Variants in ZBBX observed in about 807,000 individuals in gnomAD.
ZBBX encodes zinc finger B-box domain containing.
Under a neutral mutation model 108.5 loss-of-function variants are expected in ZBBX, and 101 were observed. The observed-to-expected ratio is 0.93, with a 90% confidence interval of 0.79 to 1.10. ZBBX has a LOEUF of 1.10. Ranked by LOEUF, ZBBX falls within the 50% of genes least tolerant of loss-of-function variation. The pLI is 0.00. For synonymous variants in ZBBX, 356 were observed against 323.4 expected (o/e 1.10, Z -1.08); for missense variants, 1,009 against 941.4 (o/e 1.07, Z -0.94).
chr3:167,217,295 C>T, the ZBBX span, among the ~76,000 whole-genome samples: 7 of 151,938 alleles, frequency 4.6e-5, no homozygotes, highest in Non-Finnish European at 8.8e-5. Context: ...CCATTAAAAA[C>T]TGGGTAAAGA....
chr3:167,336,219 A>G (rs1289637383), intron 9 of ZBBX, among the ~76,000 whole-genome samples: 1 of 152,118 alleles, frequency 6.6e-6, no homozygotes, highest in Non-Finnish European at 1.5e-5. Flanking sequence ...TAATTGTTAT[A>G]ACATTTTTAG....
intron 20 of ZBBX, among the ~76,000 whole-genome samples, chr3:167,247,237 C>T (rs895853519): frequency 2.0e-5 from 3 of 152,210 alleles, no homozygotes; most frequent in Non-Finnish European, 4.4e-5. Context: ...AGTGGTTGGA[C>T]GGCAAGAGGA....
chr3:167,277,002 T>A (rs1464578007), intron 20 of ZBBX, among the ~76,000 whole-genome samples: 1 of 152,086 alleles, frequency 6.6e-6, no homozygotes, highest in Non-Finnish European at 1.5e-5. Context: ...CTAAGCTTCA[T>A]AAGTGAAGGA....
the ZBBX span, among the ~76,000 whole-genome samples, chr3:167,178,679 C>T: frequency 2.6e-5 from 4 of 152,256 alleles, no homozygotes; most frequent in Middle Eastern, 3.4e-3. Context: ...ATAACCTCTA[C>T]CCCAAGTTAT....
intron 20 of ZBBX, among the ~76,000 whole-genome samples, chr3:167,265,006 G>C (rs1396907373): frequency 6.6e-6 from 1 of 152,246 alleles, no homozygotes; most frequent in Admixed American, 6.5e-5. Flanking sequence ...GCCAAGTCTA[G>C]AAATACTGTT....
In ZBBX at chr3:167,288,878, T is replaced by C. The variant is rs1237275857; in HGVS notation, c.1985A>G (p.Gln662Arg). 6 of 1,532,254 alleles carry C rather than the reference T, an allele frequency of 3.9e-6. No homozygotes were observed. Among genetic ancestry groups the C allele is most frequent in the Admixed American group, 2.0e-5 (1 of 50,356 alleles). The allele number at this position is 1,532,254 out of a possible 1,614,324, so 94.9% of individuals were successfully genotyped here. Residue 662 changes from glutamine to arginine, a missense_variant, in exon 19 of 22, where the codon CAG (glutamine) becomes CGG (arginine). Gln to Arg is a conservative substitution (Grantham distance 43). Coordinates refer to ENST00000675490, the MANE Select transcript of ZBBX (RefSeq NM_001199201.2). ...GAQSPSSSRK[Q>R]QKMGQKSQRP... ...TGAGTCAATGTTACCCATCTTTTGC[T>C]GTTTTCTACTTGATGATGGACTCTG...
At chr3:167,205,414 G>A in the ZBBX span, among the ~76,000 whole-genome samples, 25 of 152,278 alleles carry the variant, frequency 1.6e-4, no homozygotes, top group African/African-American at 6.0e-4. Flanking sequence ...AAGAGCTTTA[G>A]TCTTCCATTA....
chr3:167,305,951 C>T lies in ZBBX; in HGVS notation c.1418-1G>A, dbSNP rs757862877. 33 of 1,504,842 alleles carry T rather than the reference C, an allele frequency of 2.2e-5. No homozygotes were observed. In the Admixed American group the frequency reaches 5.5e-4, roughly 25 times the overall value. The allele number at this position is 1,504,842 out of a possible 1,614,324, so 93.2% of individuals were successfully genotyped here. ...TCAAAATCTGTGTTTGAAGTTTCTG[C>T]TGTTAAAAACACACAGTTACAAAAG... On this transcript the variant is annotated splice_acceptor_variant, in intron 16 of 21. Coordinates refer to ENST00000675490, the MANE Select transcript of ZBBX (RefSeq NM_001199201.2). LOFTEE classifies it high-confidence loss of function.
upstream of ZBBX, among the ~76,000 whole-genome samples, chr3:167,380,905 C>CACACACACAG (rs1252699885): frequency 6.7e-6 from 1 of 148,858 alleles, no homozygotes; most frequent in African/African-American, 2.5e-5. Context: ...CACACACACA[C>CACACACACAG]AGTTAACCCA....
chr3:167,287,873 C>A (rs1729972359), intron 19 of ZBBX, among the ~76,000 whole-genome samples: 3 of 152,000 alleles, frequency 2.0e-5, no homozygotes, highest in African/African-American at 7.2e-5. Context: ...CATAAATGCA[C>A]ATGGAAAGGA....
At chr3:167,205,059 G>T in the ZBBX span, among the ~76,000 whole-genome samples, 1 of 152,070 alleles carries the variant, frequency 6.6e-6, no homozygotes, top group Non-Finnish European at 1.5e-5. Context: ...CAATATGGGG[G>T]CACAACATGA....
chr3:167,322,334 A>G, intron 11 of ZBBX, 97 bp from the exon 12 acceptor site: 1 of 966,170 alleles, frequency 1.0e-6, no homozygotes, highest in Non-Finnish European at 1.4e-6. Flanking sequence ...TTTGGGGCAT[A>G]TATGCTTTAA....
At chr3:167,180,548 G>A in the ZBBX span, among the ~76,000 whole-genome samples, 1 of 152,262 alleles carries the variant, frequency 6.6e-6, no homozygotes, top group African/African-American at 2.4e-5. Context: ...AATATTTCTT[G>A]AGTGGGGGCA....
chr3:167,330,995 A>G (rs1738521113), intron 10 of ZBBX, among the ~76,000 whole-genome samples: 1 of 59,252 alleles, frequency 1.7e-5, no homozygotes, highest in Non-Finnish European at 3.7e-5. Flanking sequence ...GCATGTGCAT[A>G]CAGAAGAAAG....
At chr3:167,257,159 A>C (rs1723673071) in intron 20 of ZBBX, among the ~76,000 whole-genome samples, 1 of 152,112 alleles carries the variant, frequency 6.6e-6, no homozygotes. Context: ...TTTGTATAAA[A>C]ATTTTATTTG....
intron 15 of ZBBX, 108 bp downstream of exon 15, chr3:167,315,642 C>T: frequency 1.3e-6 from 1 of 742,902 alleles, no homozygotes; most frequent in African/African-American, 1.8e-5. Flanking sequence ...ACATTAATGT[C>T]ACATGTTTTT....
intron 9 of ZBBX, among the ~76,000 whole-genome samples, chr3:167,348,314 G>GAGAAAGAAAGAAAGAAAGAAAGAA (rs71176641): frequency 1.4e-4 from 9 of 65,596 alleles, no homozygotes; most frequent in South Asian, 7.3e-4. Flanking sequence ...GAGAAAGAAA[G>GAGAAAGAAAGAAAGAAAGAAAGAA]AGAAAGAAAG....
intron 6 of ZBBX, among the ~76,000 whole-genome samples, chr3:167,363,485 TTTTCTTCCACC>T (rs1744841375): frequency 6.6e-6 from 1 of 152,110 alleles, no homozygotes; most frequent in Non-Finnish European, 1.5e-5. Flanking sequence ...GCCACCTGTT[TTTTCTTCCACC>T]TTTCTTGTCT....
intron 16 of ZBBX, among the ~76,000 whole-genome samples, chr3:167,312,563 C>T (rs1734773373): frequency 6.6e-6 from 1 of 152,136 alleles, no homozygotes; most frequent in Admixed American, 6.5e-5. Flanking sequence ...ACTCTCTGTA[C>T]TTTCTGCTCA....
Sources: gnomAD v4.1 joint callset for allele counts (sites outside exome capture counted in the v4.1 genomes callset) on GRCh38, gnomAD v4.1.1 for gene constraint, MANE v1.5 for transcripts, NCBI Gene and HGNC (gene_info 2026-07-23, HGNC 2026-07-21) for gene names.